The following AGBL4 variants were observed in gnomAD, a reference collection of about 807,000 sequenced individuals.
AGBL4 encodes cytosolic carboxypeptidase 6.
AGBL4 carries 58 observed loss-of-function variants against 66.4 expected under a neutral mutation model. That is an observed-to-expected ratio of 0.87 (90% CI 0.71 to 1.09). AGBL4 has a LOEUF of 1.09. AGBL4 is among the 50% of genes least tolerant of loss of function. AGBL4 has a pLI of 0.00. For synonymous variants in AGBL4, 234 were observed against 222.9 expected, an observed-to-expected ratio of 1.05 and a Z score of -0.44; for missense variants, 579 against 631.0, an observed-to-expected ratio of 0.92 and a Z score of 0.88.
intron 3 of AGBL4, among the ~76,000 whole-genome samples, chr1:49,633,192 C>G (rs146028966): frequency 4.8e-4 from 73 of 152,274 alleles, no homozygotes; most frequent in Non-Finnish European, 9.0e-4. Flanking sequence ...CATTGATAAA[C>G]CTAGATCAGT....
At chr1:48,991,554 T>C (rs1474437269) in intron 5 of AGBL4, among the ~76,000 whole-genome samples, 2 of 152,188 alleles carry the variant, frequency 1.3e-5, no homozygotes, top group Non-Finnish European at 1.5e-5. Context: ...ATTATCCTTT[T>C]GAAATAAATG....
At chr1:49,797,363 C>T (rs948835261) in intron 2 of AGBL4, among the ~76,000 whole-genome samples, 3 of 152,166 alleles carry the variant, frequency 2.0e-5, no homozygotes, top group Non-Finnish European at 2.9e-5. Flanking sequence ...AAGATTGTTA[C>T]TGTGCCTAGG....
intron 3 of AGBL4, among the ~76,000 whole-genome samples, chr1:49,591,972 A>C (rs139204577): frequency 3.8e-4 from 58 of 152,330 alleles, no homozygotes; most frequent in Non-Finnish European, 3.5e-4. Context: ...TAAAACATAA[A>C]ACTATAAAAA....
At chr1:49,640,108 G>A (rs1645751748) in intron 3 of AGBL4, among the ~76,000 whole-genome samples, 1 of 151,988 alleles carries the variant, frequency 6.6e-6, no homozygotes. Flanking sequence ...TCTTCCCAAG[G>A]TTTCTCAGAA....
At chr1:49,844,992 C>G (rs1306309030) in intron 2 of AGBL4, 2 of 1,394,220 alleles carry the variant, frequency 1.4e-6, no homozygotes, top group African/African-American at 2.9e-5. Flanking sequence ...AACAACAAGG[C>G]CCCCACACGT....
intron 2 of AGBL4, among the ~76,000 whole-genome samples, chr1:49,827,294 T>C (rs1243695850): frequency 6.6e-6 from 1 of 151,908 alleles, no homozygotes. Context: ...GTTAAAAACA[T>C]TAAGATGGAG....
At chr1:49,471,123 G>A (rs1041638330) in intron 3 of AGBL4, among the ~76,000 whole-genome samples, 20 of 151,846 alleles carry the variant, frequency 1.3e-4, no homozygotes, top group African/African-American at 4.6e-4. Context: ...CTCTCTACAA[G>A]GAATACACAT....
intron 1 of AGBL4, among the ~76,000 whole-genome samples, chr1:49,856,632 G>C (rs914784652): frequency 2.0e-5 from 3 of 151,982 alleles, no homozygotes; most frequent in African/African-American, 7.2e-5. Context: ...AAAACTGTAT[G>C]ATCACCTTAA....
At chr1:49,174,729 A>C (rs1013383042) in intron 4 of AGBL4, 2 of 152,096 alleles carry the variant, frequency 1.3e-5, no homozygotes, top group African/African-American at 4.8e-5. Context: ...ACTGATATGC[A>C]GATACATGTA....
At chr1:48,803,469 A>C (rs957925094) in intron 6 of AGBL4, among the ~76,000 whole-genome samples, 2 of 152,334 alleles carry the variant, frequency 1.3e-5, no homozygotes, top group South Asian at 4.1e-4. Context: ...AAAGGAGGAA[A>C]GCTATCAAAT....
chr1:49,933,568 A>G (rs1653591168), intron 1 of AGBL4, among the ~76,000 whole-genome samples: 2 of 152,144 alleles, frequency 1.3e-5, no homozygotes, highest in South Asian at 2.1e-4. Context: ...TTAAAAAACA[A>G]TATTAAGAAC....
At chr1:50,011,968 G>A (rs1027381810) in intron 1 of AGBL4, among the ~76,000 whole-genome samples, 1 of 151,984 alleles carries the variant, frequency 6.6e-6, no homozygotes, top group African/African-American at 2.4e-5. Flanking sequence ...GACCATCCTG[G>A]CTAACAAGGT....
At chr1:49,152,301 TTTCCCTTCTC>T (rs1270456806) in intron 4 of AGBL4, among the ~76,000 whole-genome samples, 1 of 152,202 alleles carries the variant, frequency 6.6e-6, no homozygotes, top group Non-Finnish European at 1.5e-5. Context: ...CTGTATTTAT[TTTCCCTTCTC>T]TTCCCTTCTT....
intron 4 of AGBL4, among the ~76,000 whole-genome samples, chr1:49,217,553 C>T (rs1649183751): frequency 6.6e-6 from 1 of 152,222 alleles, no homozygotes; most frequent in African/African-American, 2.4e-5. Context: ...GCACTGAGCA[C>T]ATTATATGAT....
chr1:48,800,352 T>C (rs1403627340), intron 6 of AGBL4, among the ~76,000 whole-genome samples: 1 of 152,194 alleles, frequency 6.6e-6, no homozygotes, highest in African/African-American at 2.4e-5. Flanking sequence ...ATAGCTCCTG[T>C]TTCATTTCTA....
At chr1:49,674,867 A>C (rs141073003) in intron 3 of AGBL4, among the ~76,000 whole-genome samples, 1 of 152,180 alleles carries the variant, frequency 6.6e-6, no homozygotes, top group African/African-American at 2.4e-5. Context: ...TAGTGCTTGC[A>C]CATGCAGTTA....
chr1:49,394,565 T>C (rs1644915304), intron 3 of AGBL4, among the ~76,000 whole-genome samples: 2 of 152,062 alleles, frequency 1.3e-5, no homozygotes, highest in African/African-American at 4.8e-5. Context: ...TTAAATGAGA[T>C]GCAGATCCCC....
chr1:49,434,492 A>T (rs768735950), intron 3 of AGBL4, among the ~76,000 whole-genome samples: 24 of 152,188 alleles, frequency 1.6e-4, no homozygotes, highest in Non-Finnish European at 2.9e-4. Context: ...CTCTGACTTG[A>T]AAATGTTTGA....
At chr1:48,815,413 C>T (rs1646149946) in intron 6 of AGBL4, among the ~76,000 whole-genome samples, 1 of 151,958 alleles carries the variant, frequency 6.6e-6, no homozygotes, top group African/African-American at 2.4e-5. Context: ...AAGGTAATAG[C>T]AATAATGGCC....
Sources: allele counts gnomAD v4.1 joint callset (sites outside exome capture counted in the v4.1 genomes callset), GRCh38; gene constraint gnomAD v4.1.1; transcripts MANE v1.5; gene names NCBI Gene and HGNC (gene_info 2026-07-23, HGNC 2026-07-21).